Variants in SGSM1 observed in about 807,000 individuals in gnomAD.
The protein encoded by SGSM1 is RUN and TBC1 domain containing 2.
Under a neutral mutation model 133.8 loss-of-function variants are expected in SGSM1, and 73 were observed. That is an observed-to-expected ratio of 0.55 (90% CI 0.45 to 0.66). The LOEUF is 0.66. SGSM1 is among the 30% of genes least tolerant of loss of function. SGSM1 has a pLI of 0.00. For synonymous variants in SGSM1, 563 were observed against 573.0 expected, an observed-to-expected ratio of 0.98 and a Z score of 0.25; for missense variants, 1,213 against 1,448.1, an observed-to-expected ratio of 0.84 and a Z score of 2.64.
At position 24,925,927 on chromosome 22, in the gene SGSM1, G is replaced by A. The variant is rs2123761143; in HGVS notation, c.*1653G>A. 6.6e-6 allele frequency: 1 copy of A among 152,252 alleles called. No homozygotes were observed. Among genetic ancestry groups the A allele is most frequent in the South Asian group, 2.1e-4 (1 of 4,830 alleles). 9.4% of individuals were successfully genotyped at this position (152,252 alleles called of 1,614,324 possible). ...ACTCTGCCTACCTGTCCTTTCAATAGAGCAGTCTTTCCCGCTCTTCTGTTC... is the reference window on the plus strand; with the variant it reads ...ACTCTGCCTACCTGTCCTTTCAATAAAGCAGTCTTTCCCGCTCTTCTGTTC... On this transcript the variant is annotated 3_prime_UTR_variant, in exon 25 of 25. Coordinates refer to ENST00000400358, the MANE Select transcript of SGSM1 (RefSeq NM_001098497.3).
chr22:24,832,960 C>T (rs182983432), intron 2 of SGSM1, among the ~76,000 whole-genome samples: 86 of 150,950 alleles, frequency 5.7e-4, no homozygotes, highest in African/African-American at 1.8e-3. Context: ...TTTCAGACGG[C>T]GTTTCATTCT....
chr22:24,809,698 A>C (rs1341114554), intron 2 of SGSM1, among the ~76,000 whole-genome samples: 1 of 152,206 alleles, frequency 6.6e-6, no homozygotes, highest in African/African-American at 2.4e-5. Context: ...TATAGCAGGG[A>C]CAGGCCCCTT....
intron 10 of SGSM1, among the ~76,000 whole-genome samples, chr22:24,867,987 A>G (rs1931549114): frequency 1.3e-5 from 2 of 152,196 alleles, no homozygotes; most frequent in South Asian, 4.1e-4. Flanking sequence ...TGCTCAATAC[A>G]CGCTAGCCAG....
At chr22:24,913,428 C>A (rs368430831) in intron 22 of SGSM1, among the ~76,000 whole-genome samples, 1 of 151,966 alleles carries the variant, frequency 6.6e-6, no homozygotes, top group Non-Finnish European at 1.5e-5. Flanking sequence ...GGTGCAAGCT[C>A]GATTTTGAGA....
chr22:24,892,252 AG>A (rs756814639), intron 16 of SGSM1, among the ~76,000 whole-genome samples: 1 of 152,086 alleles, frequency 6.6e-6, no homozygotes, highest in Non-Finnish European at 1.5e-5. Flanking sequence ...ATGGACCCTC[AG>A]TCCCCCTCCC....
chr22:24,845,369 G>A (rs760373991), intron 3 of SGSM1, among the ~76,000 whole-genome samples: 1 of 152,118 alleles, frequency 6.6e-6, no homozygotes, highest in Non-Finnish European at 1.5e-5. Context: ...CTGAAGGATC[G>A]CGTCCATCTG....
In SGSM1 at chr22:24,828,182, G is replaced by C. The variant is rs149060012; in HGVS notation, c.64-16715G>C. On this transcript the variant is annotated intron_variant, in intron 2 of 24. Coordinates refer to ENST00000400358, the MANE Select transcript of SGSM1 (RefSeq NM_001098497.3). Reference sequence around the variant, plus strand: ...AGCACCTTGATTTTCAGATGACCCAGTACTGGGTGGGGCTGGAGGCAGGGC... The same window carrying C: ...AGCACCTTGATTTTCAGATGACCCACTACTGGGTGGGGCTGGAGGCAGGGC... Among the ~76,000 whole-genome samples the C allele has an allele frequency of 7.4e-3, 1,129 of 152,198 alleles. 15 individuals are homozygous for C. Among genetic ancestry groups the C allele is most frequent in the African/African-American group, 0.026 (1,087 of 41,534 alleles).
chr22:24,828,867 G>A (rs113218956), intron 2 of SGSM1, among the ~76,000 whole-genome samples: 13,646 of 152,168 alleles, frequency 0.09, 1,876 homozygotes, highest in African/African-American at 0.29. Flanking sequence ...AATGTGGTAC[G>A]TATGCACCAT....
intron 2 of SGSM1, among the ~76,000 whole-genome samples, chr22:24,830,771 C>G (rs962272104): frequency 1.3e-5 from 1 of 75,680 alleles, no homozygotes; most frequent in Non-Finnish European, 3.1e-5. Context: ...GTAAATGCCT[C>G]CAGTAGTTGG....
At chr22:24,823,585 A>G (rs937492652) in intron 2 of SGSM1, among the ~76,000 whole-genome samples, 2 of 152,006 alleles carry the variant, frequency 1.3e-5, no homozygotes, top group African/African-American at 4.8e-5. Context: ...TGGGCAACAG[A>G]GCGAGACTCC....
intron 18 of SGSM1, 75 bp downstream of exon 18, chr22:24,895,366 C>T (rs1443979521): frequency 4.2e-6 from 6 of 1,426,876 alleles, no homozygotes; most frequent in South Asian, 1.2e-5. Context: ...GTTGGGTGTC[C>T]GTCATCTGTA....
rs1172138903 is a variant in SGSM1, at chr22:24,859,748, G to GGTGA, written c.834_835insGTGA (p.Ser279ValfsTer8). On this transcript the variant is annotated frameshift_variant, in exon 9 of 25. Coordinates refer to ENST00000400358, the MANE Select transcript of SGSM1 (RefSeq NM_001098497.3). LOFTEE classifies it high-confidence loss of function. ...ACATGGAGGCTGTGCCAGGGTACCT[G>GGTGA]TCCCTGCACCAGACGGCTGACGTCA... 3 of 1,613,850 alleles carry GGTGA rather than the reference G, an allele frequency of 1.9e-6. No homozygotes were observed. In the African/African-American group the frequency reaches 4.0e-5, roughly 22 times the overall value.
At position 24,898,094 on chromosome 22, in the gene SGSM1, T is replaced by C; in HGVS notation, c.2145T>C (p.Pro715=). The change falls in exon 19 of 25, where the codon CCT becomes CCC. Residue 715 remains proline, a synonymous_variant. Coordinates refer to ENST00000400358, the MANE Select transcript of SGSM1 (RefSeq NM_001098497.3). ...NGTCSPDSGH[P]SSHNFSSGLS... ...CTTGTTCCCCAGACTCGGGTCATCC[T>C]TCCTCCCATAACTTCTCCTCGGGCC... 6.2e-7 allele frequency: 1 copy of C among 1,613,952 alleles called. No homozygotes were observed. Among genetic ancestry groups the C allele is most frequent in the Non-Finnish European group, 8.5e-7 (1 of 1,179,870 alleles).
chr22:24,868,456 C>T lies in SGSM1; in HGVS notation c.1075C>T (p.Leu359Phe), dbSNP rs909145539. The change falls in exon 11 of 25, where the codon CTC (leucine) becomes TTC (phenylalanine). Residue 359 changes from leucine to phenylalanine, a missense_variant. Coordinates refer to ENST00000400358, the MANE Select transcript of SGSM1 (RefSeq NM_001098497.3). ...CTTCCGCTTCCCCAAGGGCGGGCAC[C>T]TCCTGCAGTTCCTCTCGTGCCTGGA... ...PPFRFPKGGH[L>F]LQFLSCLENG... 3 of 1,613,804 alleles carry T rather than the reference C, an allele frequency of 1.9e-6. No homozygotes were observed. Among genetic ancestry groups the T allele is most frequent in the African/African-American group, 1.3e-5 (1 of 74,914 alleles).
At position 24,833,219 on chromosome 22, in the gene SGSM1, G is replaced by A. The variant is rs1010234547; in HGVS notation, c.64-11678G>A. On this transcript the variant is annotated intron_variant, in intron 2 of 24. Transcript: ENST00000400358. ...CAAAGTGCTGGGATTACAGGAGTAAGCCACCATGCCTGGCCAATTTCCTCT... is the reference window on the plus strand; with the variant it reads ...CAAAGTGCTGGGATTACAGGAGTAAACCACCATGCCTGGCCAATTTCCTCT... Among the ~76,000 whole-genome samples the A allele has an allele frequency of 4.0e-5, 6 of 151,760 alleles. No individual in the cohort carries two copies. The South Asian group carries it at 6.3e-4, about 16-fold the overall frequency.
chr22:24,847,566 C>G, intron 3 of SGSM1, 68 bp from the exon 4 acceptor site: 5 of 1,554,952 alleles, frequency 3.2e-6, no homozygotes, highest in Non-Finnish European at 4.4e-6. Context: ...CTGACAGAAG[C>G]TCTGGGACAT....
At chr22:24,818,158 G>A (rs984072015) in intron 2 of SGSM1, among the ~76,000 whole-genome samples, 1 of 151,302 alleles carries the variant, frequency 6.6e-6, no homozygotes, top group African/African-American at 2.4e-5. Flanking sequence ...CTTCAACCCA[G>A]GAGGCAGAGG....
At chr22:24,820,674 G>A (rs1928417305) in intron 2 of SGSM1, among the ~76,000 whole-genome samples, 1 of 152,132 alleles carries the variant, frequency 6.6e-6, no homozygotes, top group Admixed American at 6.5e-5. Flanking sequence ...CAGGAGTGGC[G>A]GGGGCACGTC....
At chr22:24,871,351 A>G (rs937769971) in intron 12 of SGSM1, among the ~76,000 whole-genome samples, 3 of 152,144 alleles carry the variant, frequency 2.0e-5, no homozygotes, top group African/African-American at 4.8e-5. Flanking sequence ...GAATGGGGTA[A>G]CAGCAGTCCC....
Sources: allele counts gnomAD v4.1 joint callset (sites outside exome capture counted in the v4.1 genomes callset), GRCh38; gene constraint gnomAD v4.1.1; transcripts MANE v1.5; gene names NCBI Gene and HGNC (gene_info 2026-07-23, HGNC 2026-07-21).